MROH2B: variants seen among roughly 807,000 people sequenced by gnomAD.
MROH2B encodes maestro heat like repeat family member 2B, also known as maestro heat-like repeat-containing protein family member 2B.
In MROH2B, 177 loss-of-function variants were observed where a neutral mutation model predicts 208.6. The observed-to-expected ratio is 0.85, with a 90% CI of 0.75 to 0.96. The LOEUF (loss-of-function observed/expected upper bound fraction) is 0.96. MROH2B is among the 40% of genes least tolerant of loss of function. The pLI, the probability that MROH2B is intolerant of heterozygous loss-of-function variation, is 0.00. For synonymous variants in MROH2B, 728 were observed against 659.0 expected, an observed-to-expected ratio of 1.10 and a Z score of -1.60; for missense variants, 2,002 against 1,878.7, an observed-to-expected ratio of 1.07 and a Z score of -1.21.
rs754948170 is a variant in MROH2B at position 41,004,940 on chromosome 5, C to A, written c.3865-20G>T. 3.1e-6 allele frequency: 5 copies of A among 1,611,716 alleles called. No homozygotes were observed. Among genetic ancestry groups the A allele is most frequent in the Admixed American group, 1.7e-5 (1 of 59,808 alleles). On this transcript the variant is annotated intron_variant, in intron 35 of 41. Transcript: ENST00000399564. Reference sequence around the variant, plus strand: ...CATGAGCTGAAATAATCAACACACTCCTCCCGTTTAGTTAAGGGCGTGGCC... The same window carrying A: ...CATGAGCTGAAATAATCAACACACTACTCCCGTTTAGTTAAGGGCGTGGCC...
intron 5 of MROH2B, 91 bp downstream of exon 5, chr5:41,064,381 G>A: frequency 9.9e-7 from 1 of 1,012,472 alleles, no homozygotes; most frequent in Non-Finnish European, 1.5e-6. Context: ...GGACAAGATT[G>A]GAGTTAAAGG....
At chr5:41,028,996 T>G (rs545625936) in intron 24 of MROH2B, among the ~76,000 whole-genome samples, 1 of 152,138 alleles carries the variant, frequency 6.6e-6, no homozygotes, top group Non-Finnish European at 1.5e-5. Context: ...ACACAGAAGA[T>G]AAATTGCTGG....
chr5:41,012,616 G>T lies in MROH2B; in HGVS notation c.3102C>A (p.Val1034=). 1 of 1,613,636 alleles carries T rather than the reference G, an allele frequency of 6.2e-7. No individual in the cohort carries two copies. The highest frequency in any genetic ancestry group is 1.1e-5 in the South Asian group (1 of 91,030). ...CCAGAGCAGCTCCCTGCTGCTTCAG[G>T]ACAGTGATCATCCATATGCCACAGG... ...TKACGIWMIT[V]LKQQGAALED... The change falls in exon 30 of 42, where the codon GTC becomes GTA. Residue 1034 remains valine (V), a synonymous_variant. Transcript: ENST00000399564.
At chr5:41,036,823 A>T (rs941307322) in intron 21 of MROH2B, among the ~76,000 whole-genome samples, 1 of 152,148 alleles carries the variant, frequency 6.6e-6, no homozygotes, top group African/African-American at 2.4e-5. Context: ...TTTTGTTCAG[A>T]TCTATGAAAA....
At chr5:41,061,485 GC>G in intron 6 of MROH2B, 84 bp downstream of exon 6, 2 of 1,215,142 alleles carry the variant, frequency 1.6e-6, no homozygotes, top group Non-Finnish European at 2.2e-6. Flanking sequence ...AAAATACTGA[GC>G]CTAATTATCA....
intron 30 of MROH2B, among the ~76,000 whole-genome samples, chr5:41,011,086 G>A (rs1188865637): frequency 2.6e-5 from 4 of 152,074 alleles, no homozygotes; most frequent in Admixed American, 2.6e-4. Context: ...TCAGAGCACT[G>A]GATGCCACCT....
intron 35 of MROH2B, 197 bp downstream of exon 35, chr5:41,005,334 G>T (rs896576914): frequency 3.6e-6 from 2 of 561,088 alleles, no homozygotes; most frequent in South Asian, 2.6e-5. Context: ...GCAGGAGGTG[G>T]GTGAGGTGGT....
In MROH2B at chr5:41,067,101, A is replaced by G; in HGVS notation, c.201+7T>C. On this transcript the variant is annotated splice_region_variant and intron_variant, in intron 3 of 41. Transcript: ENST00000399564. ...AGACCCTTTTCACCATCATGAACCA[A>G]ACTTACATTGTTGTCTCTCATATCC... 6.5e-7 allele frequency: 1 copy of G among 1,530,116 alleles called. No individual in the cohort carries two copies. 94.8% of individuals were successfully genotyped at this position (1,530,116 alleles called of 1,614,324 possible).
chr5:41,067,777 A>G (rs1743857869), intron 2 of MROH2B, among the ~76,000 whole-genome samples: 2 of 152,196 alleles, frequency 1.3e-5, no homozygotes, highest in African/African-American at 4.8e-5. Flanking sequence ...GGCAAGATCT[A>G]ATTGACAACC....
At chr5:41,018,088 T>G in intron 27 of MROH2B, 118 bp from the exon 28 acceptor site, 1 of 1,366,620 alleles carries the variant, frequency 7.3e-7, no homozygotes, top group African/African-American at 1.5e-5. Context: ...GAATGAAATT[T>G]GATCTTGCAC....
chr5:40,998,261 C>G, intron 41 of MROH2B, 103 bp from the exon 42 acceptor site: 2 of 808,252 alleles, frequency 2.5e-6, no homozygotes, highest in Non-Finnish European at 4.1e-6. Flanking sequence ...AGGGTCAGAC[C>G]CAAGTGGGGC....
At chr5:41,043,621 A>C (rs1003404779) in intron 18 of MROH2B, among the ~76,000 whole-genome samples, 3 of 152,214 alleles carry the variant, frequency 2.0e-5, no homozygotes, top group Non-Finnish European at 2.9e-5. Flanking sequence ...GAATCCAAGA[A>C]ATTAGAAGCC....
At position 41,065,335 on chromosome 5, in the gene MROH2B, G is replaced by A. The variant is rs1193161123; in HGVS notation, c.357C>T (p.Ser119=). ...TGGAGAATATTCCCGCTATACCATA[G>A]CTGGTTGCCAATTCAGCCAGGGCAA... is the stretch of plus-strand genomic sequence containing the variant. ...VVLALAELAT[S]YVSQSIPFMM... is the part of the protein sequence containing the mutation. The change falls in exon 4 of 42, where the codon AGC becomes AGT. Residue 119 remains serine (S), a synonymous_variant. Coordinates refer to ENST00000399564, the MANE Select transcript of MROH2B (RefSeq NM_173489.5). The A allele has an allele frequency of 3.7e-6, 6 of 1,611,300 alleles. No individual in the cohort carries two copies. The highest frequency in any genetic ancestry group is 4.2e-6 in the Non-Finnish European group (5 of 1,178,734).
intron 37 of MROH2B, among the ~76,000 whole-genome samples, chr5:41,002,317 C>T (rs1430701472): frequency 6.6e-6 from 1 of 152,146 alleles, no homozygotes; most frequent in Non-Finnish European, 1.5e-5. Context: ...CCAATGTCCT[C>T]ATGTTCACTT....
chr5:41,016,696 G>A (rs1282027855), intron 28 of MROH2B, among the ~76,000 whole-genome samples: 1 of 151,752 alleles, frequency 6.6e-6, no homozygotes, highest in Non-Finnish European at 1.5e-5. Context: ...GGCCAGGCTG[G>A]TCTTGAACTC....
In MROH2B at chr5:41,017,990, T is replaced by C. The variant is rs1281407970; in HGVS notation, c.2764-20A>G. On this transcript the variant is annotated intron_variant, in intron 27 of 41. Coordinates refer to ENST00000399564, the MANE Select transcript of MROH2B (RefSeq NM_173489.5). ...TGGTGCCTGCAGGATAAAGGAGGCA[T>C]CCTATTGTGATGGGGTAGCTTGGTC... The C allele has an allele frequency of 6.4e-7, 1 of 1,566,446 alleles. No homozygotes were observed. The highest frequency in any genetic ancestry group is 8.7e-7 in the Non-Finnish European group (1 of 1,154,420).
intron 26 of MROH2B, 96 bp downstream of exon 26, chr5:41,018,595 T>C (rs1335583011): frequency 1.3e-6 from 2 of 1,484,406 alleles, no homozygotes; most frequent in African/African-American, 2.8e-5. Context: ...TCCAGCTGGA[T>C]GTCTTCATGT....
At position 41,007,398 on chromosome 5, in the gene MROH2B, G is replaced by A. The variant is rs774678801; in HGVS notation, c.3665C>T (p.Ala1222Val). The part of the protein sequence containing the change: ...LQAQAMREGL[A>V]KESDEGDNLW... ...GTTGTCCCCCTCATCAGATTCCTTT[G>A]CAAGGCCTTCTCTCATGGCTTGGGC... Residue 1222 changes from alanine (A) to valine (V), a missense_variant, in exon 34 of 42, where the codon GCA becomes GTA. Ala to Val is a moderately conservative substitution (Grantham distance 64). Transcript: ENST00000399564. 1 of 1,565,194 alleles carries A rather than the reference G, an allele frequency of 6.4e-7. No homozygotes were observed. The highest frequency in any genetic ancestry group is 1.2e-5 in the South Asian group (1 of 83,704).
In MROH2B at chr5:41,049,442, G is replaced by C; in HGVS notation, c.1345-6C>G. ...AGGATCCTTGGCCATAGCACCTGTG[G>C]AAAACAGGGCATGATGCAAGGATTG... is the stretch of plus-strand genomic sequence containing the variant. On this transcript the variant is annotated splice_polypyrimidine_tract_variant and splice_region_variant and intron_variant, in intron 13 of 41. Transcript: ENST00000399564. The C allele has an allele frequency of 1.2e-6, 2 of 1,608,956 alleles. No individual in the cohort carries two copies. The highest frequency in any genetic ancestry group is 2.2e-5 in the South Asian group (2 of 90,062).
Sources: gnomAD v4.1 joint callset for allele counts (sites outside exome capture counted in the v4.1 genomes callset) on GRCh38, gnomAD v4.1.1 for gene constraint, MANE v1.5 for transcripts, NCBI Gene and HGNC (gene_info 2026-07-23, HGNC 2026-07-21) for gene names.